Variants in UNC79 observed in about 807,000 individuals in gnomAD.
UNC79 encodes protein unc-79 homolog.
A neutral mutation model predicts 283.1 loss-of-function variants in UNC79; 37 were observed. That is an observed-to-expected ratio of 0.13 (90% CI 0.10 to 0.17). The LOEUF is 0.17. Among genes scored for constraint, UNC79 ranks in the 10% least tolerant of loss-of-function variants. UNC79 has a pLI of 1.00. For missense variants in UNC79, 2,272 were observed against 3,211.1 expected (o/e 0.71, Z 7.07); for synonymous variants, 1,107 against 1,200.2 (o/e 0.92, Z 1.61).
rs143091520 is a variant in UNC79 at position 93,629,083 on chromosome 14, C to T, written c.5609-1718C>T. Among the ~76,000 whole-genome samples the T allele has an allele frequency of 9.4e-3, 1,428 of 152,186 alleles. 30 individuals carry two copies. Among genetic ancestry groups the T allele is most frequent in the African/African-American group, 0.033 (1,378 of 41,520 alleles). On this transcript the variant is annotated intron_variant, in intron 30 of 48. Transcript: ENST00000555664. ...GCATGGTGGTGTGTGCCTGTAATCC[C>T]AGCTACTCAGAAGACTGAGGCAGGA...
Position 93,459,622 on chromosome 14 carries a change from C to T in UNC79, c.23-8049C>T, listed in dbSNP as rs1191242261. 2.7e-5 allele frequency among the ~76,000 whole-genome samples: 4 copies of T among 147,406 alleles called. No homozygotes were observed. The East Asian group carries it at 7.8e-4, about 29-fold the overall frequency. On this transcript the variant is annotated intron_variant, in intron 1 of 48. Coordinates refer to ENST00000555664, the Ensembl canonical transcript of UNC79. Reference sequence around the variant, plus strand: ...AAACTATCAGTTTTATACTTATTAGCTTTGTGCCTTTGGGCAAGTCACTTA... The same window carrying T: ...AAACTATCAGTTTTATACTTATTAGTTTTGTGCCTTTGGGCAAGTCACTTA...
chr14:93,476,357 G>C (rs549777802), intron 3 of UNC79, among the ~76,000 whole-genome samples: 6 of 152,294 alleles, frequency 3.9e-5, no homozygotes, highest in Non-Finnish European at 7.3e-5. Context: ...GCTCCTTTCA[G>C]TGCTAATGTT....
intron 1 of UNC79, among the ~76,000 whole-genome samples, chr14:93,466,421 T>A (rs1190681744): frequency 3.9e-5 from 6 of 152,228 alleles, no homozygotes; most frequent in African/African-American, 1.4e-4. Context: ...AGTGGAAAGA[T>A]CACTGGATTG....
chr14:93,703,186 T>A (rs1032141453), intron 47 of UNC79, among the ~76,000 whole-genome samples: 10 of 152,208 alleles, frequency 6.6e-5, no homozygotes, highest in African/African-American at 2.4e-4. Context: ...CCAATGAGCT[T>A]CGCCATGCCT....
chr14:93,653,903 G>A, intron 36 of UNC79, 37 bp from the exon 40 acceptor site: 1 of 1,614,096 alleles, frequency 6.2e-7, no homozygotes, highest in Non-Finnish European at 8.5e-7. Context: ...CCTCATCCCA[G>A]ACACCCAAAC....
chr14:93,694,733 T>G (rs2074963241), intron 47 of UNC79, among the ~76,000 whole-genome samples: 1 of 151,942 alleles, frequency 6.6e-6, no homozygotes, highest in Non-Finnish European at 1.5e-5. Flanking sequence ...CTGGGCAATA[T>G]AGTGAGACCT....
intron 38 of UNC79, among the ~76,000 whole-genome samples, chr14:93,658,175 T>C (rs1253573669): frequency 6.6e-6 from 1 of 152,228 alleles, no homozygotes; most frequent in Non-Finnish European, 1.5e-5. Context: ...CTGATCATCT[T>C]CTGCCTTTGT....
intron 11 of UNC79, 49 bp downstream of exon 11, chr14:93,532,627 A>G (rs1276045137): frequency 1.2e-6 from 2 of 1,602,192 alleles, no homozygotes; most frequent in Admixed American, 1.7e-5. Context: ...TTGTGTTTGT[A>G]TGTAAATTCA....
At chr14:93,620,829 G>A (rs2067081092) in intron 29 of UNC79, 63 bp from the exon 31 acceptor site, 1 of 430,810 alleles carries the variant, frequency 2.3e-6, no homozygotes, top group South Asian at 1.8e-5. Context: ...AAATGCTTGT[G>A]TAGACACAGC....
chr14:93,473,424 T>A (rs769501541), intron 2 of UNC79, among the ~76,000 whole-genome samples: 99 of 152,316 alleles, frequency 6.5e-4, no homozygotes, highest in Middle Eastern at 3.4e-3. Context: ...TCCAATGTAG[T>A]TTAGCTAACA....
intron 1 of UNC79, among the ~76,000 whole-genome samples, chr14:93,407,117 G>A (rs1486526505): frequency 2.6e-5 from 4 of 151,996 alleles, no homozygotes; most frequent in African/African-American, 9.7e-5. Context: ...TTTTTATGGG[G>A]TGCCAGTTAT....
At chr14:93,692,984 C>A (rs1176626089) in intron 46 of UNC79, among the ~76,000 whole-genome samples, 1 of 152,070 alleles carries the variant, frequency 6.6e-6, no homozygotes, top group Non-Finnish European at 1.5e-5. Flanking sequence ...ACCCTGAAAC[C>A]CAACACTACA....
chr14:93,575,372 A>C (rs2141657365), intron 17 of UNC79, among the ~76,000 whole-genome samples, 174 bp downstream of exon 17: 1 of 152,352 alleles, frequency 6.6e-6, no homozygotes, highest in Middle Eastern at 3.4e-3. Flanking sequence ...TATAGTTTAT[A>C]ATCAGTAAGT....
chr14:93,442,223 T>C (rs1268571928), intron 1 of UNC79, among the ~76,000 whole-genome samples: 2 of 152,162 alleles, frequency 1.3e-5, no homozygotes, highest in African/African-American at 4.8e-5. Flanking sequence ...AAGTTCAAGA[T>C]GTTTTTTTAA....
intron 1 of UNC79, among the ~76,000 whole-genome samples, chr14:93,414,299 C>A (rs1458774825): frequency 6.6e-6 from 1 of 152,166 alleles, no homozygotes; most frequent in Admixed American, 6.5e-5. Flanking sequence ...TTCCCCATTT[C>A]TTGTTTTTCT....
intron 1 of UNC79, among the ~76,000 whole-genome samples, chr14:93,363,221 C>G (rs914913720): frequency 6.6e-6 from 1 of 152,078 alleles, no homozygotes; most frequent in African/African-American, 2.4e-5. Flanking sequence ...TCATTGTTTA[C>G]CCAAAAGTCA....
chr14:93,483,572 T>C (rs2058253362), intron 4 of UNC79, among the ~76,000 whole-genome samples: 1 of 151,656 alleles, frequency 6.6e-6, no homozygotes, highest in African/African-American at 2.4e-5. Context: ...ATGCACAATA[T>C]GCAGGTTTGT....
intron 14 of UNC79, among the ~76,000 whole-genome samples, chr14:93,556,913 C>T (rs952276397): frequency 2.0e-5 from 3 of 152,224 alleles, no homozygotes; most frequent in African/African-American, 7.2e-5. Flanking sequence ...TTTTATTCTC[C>T]CAAAGGGATT....
At chr14:93,614,692 T>C (rs2066570534) in intron 27 of UNC79, among the ~76,000 whole-genome samples, 1 of 151,996 alleles carries the variant, frequency 6.6e-6, no homozygotes, top group South Asian at 2.1e-4. Flanking sequence ...GAGAGTTGAA[T>C]TAATCATACA....
Sources: gnomAD v4.1 joint callset for allele counts (sites outside exome capture counted in the v4.1 genomes callset) on GRCh38, gnomAD v4.1.1 for gene constraint, MANE v1.5 for transcripts, NCBI Gene and HGNC (gene_info 2026-07-23, HGNC 2026-07-21) for gene names.